Variants in NKAIN2 observed in about 807,000 individuals in gnomAD.
The protein encoded by NKAIN2 is sodium/potassium transporting ATPase interacting 2, also known as sodium/potassium-transporting ATPase subunit beta-1-interacting protein 2.
In NKAIN2, 14 loss-of-function variants were observed where a neutral mutation model predicts 32.6. That is an observed-to-expected ratio of 0.43 (90% confidence interval 0.28 to 0.67). The LOEUF (loss-of-function observed/expected upper bound fraction) is 0.67. NKAIN2 is among the 30% of genes least tolerant of loss of function. NKAIN2 has a pLI of 0.17. For synonymous variants in NKAIN2, 80 were observed against 87.2 expected (o/e 0.92, Z 0.46); for missense variants, 198 against 258.3 (o/e 0.77, Z 1.60).
intron 4 of NKAIN2, among the ~76,000 whole-genome samples, chr6:124,661,670 C>T (rs1784750041): frequency 6.6e-6 from 1 of 152,092 alleles, no homozygotes; most frequent in Non-Finnish European, 1.5e-5. Context: ...AATGATGAGC[C>T]AGGTGTGATA....
intron 5 of NKAIN2, among the ~76,000 whole-genome samples, chr6:124,817,531 A>G (rs1781219414): frequency 6.6e-6 from 1 of 152,112 alleles, no homozygotes; most frequent in Non-Finnish European, 1.5e-5. Context: ...ACATCCCAAA[A>G]GAGCAAGATA....
At chr6:124,055,680 C>G (rs1343890486) in intron 1 of NKAIN2, among the ~76,000 whole-genome samples, 1 of 151,988 alleles carries the variant, frequency 6.6e-6, no homozygotes, top group African/African-American at 2.4e-5. Flanking sequence ...TCACTGTGAC[C>G]TTCAAGCCCA....
At chr6:124,145,615 C>T (rs1389810605) in intron 1 of NKAIN2, among the ~76,000 whole-genome samples, 1 of 152,108 alleles carries the variant, frequency 6.6e-6, no homozygotes, top group East Asian at 1.9e-4. Flanking sequence ...ACGCCATTCT[C>T]CTGCCTCAGC....
At chr6:124,408,719 T>C (rs1219944972) in intron 3 of NKAIN2, among the ~76,000 whole-genome samples, 4 of 151,564 alleles carry the variant, frequency 2.6e-5, no homozygotes, top group African/African-American at 7.3e-5. Context: ...AGTAGTTTTT[T>C]CCAATTCTGT....
intron 3 of NKAIN2, among the ~76,000 whole-genome samples, chr6:124,356,583 A>G (rs1798991518): frequency 6.6e-6 from 1 of 152,118 alleles, no homozygotes; most frequent in African/African-American, 2.4e-5. Flanking sequence ...TGTTTTTTGC[A>G]GGGCATCGTT....
At chr6:124,660,640 T>A (rs911464841) in intron 4 of NKAIN2, among the ~76,000 whole-genome samples, 1 of 152,196 alleles carries the variant, frequency 6.6e-6, no homozygotes, top group African/African-American at 2.4e-5. Flanking sequence ...GGATGTGACA[T>A]CTTCACCTCT....
chr6:123,904,506 C>CAA (rs1270506619), intron 1 of NKAIN2, among the ~76,000 whole-genome samples: 4 of 152,134 alleles, frequency 2.6e-5, no homozygotes, highest in African/African-American at 9.7e-5. Flanking sequence ...TCCCGGGTTA[C>CAA]CCTCTCAGAC....
chr6:124,718,029 A>T (rs891861258), intron 4 of NKAIN2, among the ~76,000 whole-genome samples: 3 of 152,186 alleles, frequency 2.0e-5, no homozygotes, highest in Non-Finnish European at 1.5e-5. Flanking sequence ...GGTCACTGTG[A>T]TGTAACAACA....
chr6:124,263,725 A>G (rs1562458660), intron 1 of NKAIN2, among the ~76,000 whole-genome samples: 1 of 108,676 alleles, frequency 9.2e-6, no homozygotes, highest in Non-Finnish European at 1.8e-5. Context: ...TGTTTAATTT[A>G]AACAGCACGT....
chr6:123,941,417 TG>T (rs914756317), intron 1 of NKAIN2, among the ~76,000 whole-genome samples: 3 of 151,926 alleles, frequency 2.0e-5, no homozygotes, highest in African/African-American at 7.2e-5. Context: ...GTTGTATTTT[TG>T]TCCCATGGCA....
At chr6:124,723,829 A>G (rs1202299380) in intron 4 of NKAIN2, among the ~76,000 whole-genome samples, 2 of 152,238 alleles carry the variant, frequency 1.3e-5, no homozygotes, top group East Asian at 1.9e-4. Context: ...AAAATCATGT[A>G]TAAGCAGATC....
At chr6:123,876,336 T>A (rs1044385381) in intron 1 of NKAIN2, among the ~76,000 whole-genome samples, 1 of 152,224 alleles carries the variant, frequency 6.6e-6, no homozygotes, top group African/African-American at 2.4e-5. Flanking sequence ...TTCAGCTATT[T>A]AGATTATAAG....
rs553348450 is a variant in NKAIN2 at position 124,722,542 on chromosome 6, A to G, written c.474+64156A>G. Among the ~76,000 whole-genome samples the G allele has an allele frequency of 7.9e-5, 12 of 152,318 alleles. No homozygotes were observed. In the South Asian group the frequency reaches 2.5e-3, roughly 32 times the overall value. The stretch of plus-strand genomic sequence containing the variant: ...CAGGCATTAGAGTCTCATAAGGAGC[A>G]TGCAACCTAGATCACGTGCATCGCA... On this transcript the variant is annotated intron_variant, in intron 4 of 6. Coordinates refer to ENST00000368417, the MANE Select transcript of NKAIN2 (RefSeq NM_001040214.3).
At chr6:124,477,446 C>T (rs995324006) in intron 3 of NKAIN2, among the ~76,000 whole-genome samples, 13 of 152,076 alleles carry the variant, frequency 8.5e-5, no homozygotes, top group Non-Finnish European at 1.5e-5. Context: ...GTCCTCTTAG[C>T]TTTCTGCTAC....
At chr6:124,092,104 T>C (rs1037896857) in intron 1 of NKAIN2, among the ~76,000 whole-genome samples, 6 of 152,088 alleles carry the variant, frequency 3.9e-5, no homozygotes, top group African/African-American at 1.4e-4. Flanking sequence ...AAGTAAGTTA[T>C]AGGCTTCCTA....
intron 3 of NKAIN2, among the ~76,000 whole-genome samples, chr6:124,510,593 T>C (rs1778673639): frequency 6.6e-6 from 1 of 152,240 alleles, no homozygotes; most frequent in African/African-American, 2.4e-5. Flanking sequence ...GAAAGGCCTG[T>C]ATCATAAGCA....
intron 1 of NKAIN2, among the ~76,000 whole-genome samples, chr6:123,829,902 AC>A (rs1389416572): frequency 6.6e-6 from 1 of 152,204 alleles, no homozygotes; most frequent in African/African-American, 2.4e-5. Context: ...GGATGATGCT[AC>A]ACTTCTGCAT....
chr6:124,749,041 G>C (rs996967131), intron 4 of NKAIN2, among the ~76,000 whole-genome samples: 1 of 151,860 alleles, frequency 6.6e-6, no homozygotes, highest in Non-Finnish European at 1.5e-5. Flanking sequence ...AGAGGTTCTA[G>C]GAGAAATTTC....
chr6:124,360,595 A>G (rs1799244454), intron 3 of NKAIN2, among the ~76,000 whole-genome samples: 1 of 152,176 alleles, frequency 6.6e-6, no homozygotes, highest in Non-Finnish European at 1.5e-5. Context: ...TGTCCACAAA[A>G]TCTAAAGAAA....
Sources: gnomAD v4.1 joint callset for allele counts (sites outside exome capture counted in the v4.1 genomes callset) on GRCh38, gnomAD v4.1.1 for gene constraint, MANE v1.5 for transcripts, NCBI Gene and HGNC (gene_info 2026-07-23, HGNC 2026-07-21) for gene names.